ELF2: variants seen among roughly 807,000 people sequenced by gnomAD.
The protein encoded by ELF2 is E74 like ETS transcription factor 2.
A neutral mutation model predicts 54.8 loss-of-function variants in ELF2; 11 were observed. That is an observed-to-expected ratio of 0.20 (90% CI 0.13 to 0.33). The LOEUF is 0.33. Among genes scored for constraint, ELF2 ranks in the 10% least tolerant of loss-of-function variants. The pLI is 1.00. For synonymous variants in ELF2, 203 were observed against 245.1 expected, an observed-to-expected ratio of 0.83 and a Z score of 1.61; for missense variants, 513 against 703.0, an observed-to-expected ratio of 0.73 and a Z score of 3.06.
chr4:139,167,664 T>C (rs1170601228), intron 1 of ELF2, among the ~76,000 whole-genome samples: 3 of 152,178 alleles, frequency 2.0e-5, no homozygotes, highest in Non-Finnish European at 4.4e-5. Context: ...CCAATCCAAC[T>C]TTCTTCCACA....
intron 7 of ELF2, among the ~76,000 whole-genome samples, chr4:139,062,313 G>A (rs1026982331): frequency 6.6e-6 from 1 of 152,110 alleles, no homozygotes; most frequent in Non-Finnish European, 1.5e-5. Flanking sequence ...TGGGATTACA[G>A]GCACATTCCA....
At chr4:139,159,082 G>A (rs1044954666) in intron 1 of ELF2, among the ~76,000 whole-genome samples, 1 of 152,248 alleles carries the variant, frequency 6.6e-6, no homozygotes, top group Non-Finnish European at 1.5e-5. Context: ...AATGACCATG[G>A]TGGCCTTCTC....
At chr4:139,132,862 ATATAT>A (rs1737663203) in intron 3 of ELF2, among the ~76,000 whole-genome samples, 3 of 141,408 alleles carry the variant, frequency 2.1e-5, no homozygotes, top group Non-Finnish European at 4.6e-5. Context: ...ATATATATAT[ATATAT>A]ATATATAAAA....
chr4:139,082,034 T>A (rs1320129997), intron 4 of ELF2, among the ~76,000 whole-genome samples: 1 of 152,148 alleles, frequency 6.6e-6, no homozygotes, highest in African/African-American at 2.4e-5. Flanking sequence ...CCAAAGACAG[T>A]CTTTTATATA....
intron 1 of ELF2, among the ~76,000 whole-genome samples, chr4:139,168,033 G>C (rs1203345131): frequency 6.6e-6 from 1 of 152,176 alleles, no homozygotes; most frequent in Non-Finnish European, 1.5e-5. Flanking sequence ...GGGTGACTCT[G>C]GCAACATCCC....
chr4:139,081,335 AG>A (rs1731082411), intron 4 of ELF2, among the ~76,000 whole-genome samples: 1 of 152,212 alleles, frequency 6.6e-6, no homozygotes, highest in Admixed American at 6.5e-5. Flanking sequence ...CTCAAAAGGA[AG>A]AAAAGCAAAA....
In ELF2 at chr4:139,134,553, T is replaced by TA. The variant is rs1422881216; in HGVS notation, c.72+3076_72+3077insT. On this transcript the variant is annotated intron_variant, in intron 3 of 9. Transcript: ENST00000686138. ...TATTGTATTGTATTGTATTGTATTGTTTTATTTTATGTTATTTTATTTTAT... is the reference window on the plus strand; with the variant it reads ...TATTGTATTGTATTGTATTGTATTGTATTTATTTTATGTTATTTTATTTTAT... 2.7e-3 allele frequency among the ~76,000 whole-genome samples: 415 copies of TA among 151,012 alleles called. 1 individual carries two copies. The highest frequency in any genetic ancestry group is 9.5e-3 in the African/African-American group (392 of 41,202).
At position 139,060,285 on chromosome 4, in the gene ELF2, A is replaced by T. The variant is rs1295248114; in HGVS notation, c.1157+39T>A. 2.7e-6 allele frequency: 4 copies of T among 1,488,618 alleles called. No homozygotes were observed. The African/African-American group carries it at 4.2e-5, about 16-fold the overall frequency. The allele number at this position is 1,488,618 out of a possible 1,614,324, so 92.2% of individuals were successfully genotyped here. On this transcript the variant is annotated intron_variant, in intron 9 of 9. Transcript: ENST00000686138. ...GTTTTCACCACGGAGACTTTTTTAA[A>T]AAGTAAATACATTGTAACTAATGGT...
Position 139,125,235 on chromosome 4 carries a change from T to C in ELF2, c.167A>G (p.Tyr56Cys). ...TTGCATCATATAAGTCTCATCATCA[T>C]AAACCAGAACCTGGGCTGCATAGCC... is the stretch of plus-strand genomic sequence containing the variant. The part of the protein sequence containing the change: ...EQGYAAQVLV[Y>C]DDETYMMQDV... Residue 56 changes from tyrosine (Y) to cysteine (C), a missense_variant, in exon 4 of 10, where the codon TAT becomes TGT. This residue lies in a region of ELF2 where 203 missense variants were observed against 245.9 expected (regional missense o/e 0.83). Coordinates refer to ENST00000686138, the MANE Select transcript of ELF2 (RefSeq NM_001331036.3). 10 of 1,614,072 alleles carry C rather than the reference T, an allele frequency of 6.2e-6. No homozygotes were observed. Among genetic ancestry groups the C allele is most frequent in the Non-Finnish European group, 8.5e-6 (10 of 1,179,992 alleles).
At chr4:139,070,540 C>G (rs780340128) in intron 6 of ELF2, among the ~76,000 whole-genome samples, 36 of 152,244 alleles carry the variant, frequency 2.4e-4, no homozygotes, top group African/African-American at 7.5e-4. Context: ...ATCCACCCAC[C>G]TCAGACCCCC....
At chr4:139,177,231 CCCGCT>C (rs1350894012), upstream of ELF2, 2 of 151,222 alleles carry the variant, frequency 1.3e-5, no homozygotes, top group South Asian at 2.1e-4. Context: ...TTGCCCCCGC[CCCGCT>C]CCGCTCCCGG....
At chr4:139,160,689 G>A (rs1464162705) in intron 1 of ELF2, among the ~76,000 whole-genome samples, 2 of 152,180 alleles carry the variant, frequency 1.3e-5, no homozygotes, top group African/African-American at 4.8e-5. Flanking sequence ...TTGGCCAGGG[G>A]TGGTGGCTCA....
chr4:139,151,249 A>T (rs1360134782), intron 1 of ELF2, among the ~76,000 whole-genome samples: 1 of 152,146 alleles, frequency 6.6e-6, no homozygotes, highest in Non-Finnish European at 1.5e-5. Context: ...AAGAAAATAT[A>T]GAATATCTTC....
At chr4:139,170,726 T>TATTAC (rs1387127203) in intron 1 of ELF2, among the ~76,000 whole-genome samples, 1 of 145,524 alleles carries the variant, frequency 6.9e-6, no homozygotes, top group East Asian at 2.0e-4. Flanking sequence ...CATTATATTA[T>TATTAC]ATTATATTAT....
Position 139,057,671 on chromosome 4 carries a change from A to T in ELF2, c.*1312T>A, listed in dbSNP as rs1023105055. The T allele has an allele frequency of 8.5e-5, 13 of 152,382 alleles. No homozygotes were observed. Among genetic ancestry groups the T allele is most frequent in the African/African-American group, 3.1e-4 (13 of 41,600 alleles). 9.4% of individuals were successfully genotyped at this position (152,382 alleles called of 1,614,324 possible). On this transcript the variant is annotated 3_prime_UTR_variant, in exon 10 of 10. Transcript: ENST00000686138. The stretch of plus-strand genomic sequence containing the variant: ...AATTCATTACGTTAAGCAGAACATT[A>T]TAGTTCATCATAATTAGAAAGAAAC...
At chr4:139,063,845 T>C (rs555401761) in intron 7 of ELF2, among the ~76,000 whole-genome samples, 1 of 151,076 alleles carries the variant, frequency 6.6e-6, no homozygotes, top group Non-Finnish European at 1.5e-5. Context: ...CAAAAAGGAA[T>C]CTGGGCAAGT....
chr4:139,127,504 T>C (rs1386099334), intron 3 of ELF2, among the ~76,000 whole-genome samples: 1 of 152,134 alleles, frequency 6.6e-6, no homozygotes, highest in East Asian at 1.9e-4. Context: ...GTAAACTATT[T>C]TTTCAAAATA....
chr4:139,110,911 GGAA>G, intron 4 of ELF2, among the ~76,000 whole-genome samples: 1 of 152,108 alleles, frequency 6.6e-6, no homozygotes, highest in East Asian at 1.9e-4. Context: ...ATTATCTTAA[GGAA>G]GAAGGAAAGG....
At chr4:139,176,457 TCGCCGCCCA>T (rs1742935238) in intron 1 of ELF2, among the ~76,000 whole-genome samples, 1 of 139,936 alleles carries the variant, frequency 7.1e-6, no homozygotes, top group South Asian at 2.3e-4. Context: ...CGCCCCGAGC[TCGCCGCCCA>T]GCCCCGGCGC....
Sources: gnomAD v4.1 joint callset for allele counts (sites outside exome capture counted in the v4.1 genomes callset) on GRCh38, gnomAD v4.1.1 for gene constraint, gnomAD v4.1.1 regional missense constraint, MANE v1.5 for transcripts, NCBI Gene and HGNC (gene_info 2026-07-23, HGNC 2026-07-21) for gene names.